The following TSGA10 variants were observed in gnomAD, a reference collection of about 807,000 sequenced individuals.
TSGA10 encodes the protein testis-specific gene 10 protein.
In TSGA10, 43 loss-of-function variants were observed where a neutral mutation model predicts 96.6. That is an observed-to-expected ratio of 0.44 (90% CI 0.35 to 0.57). The LOEUF (loss-of-function observed/expected upper bound fraction) is 0.57. Ranked by LOEUF, TSGA10 falls within the 20% of genes least tolerant of loss-of-function variation. The pLI is 0.01. For synonymous variants in TSGA10, 229 were observed against 269.9 expected (o/e 0.85, Z 1.48); for missense variants, 703 against 834.4 (o/e 0.84, Z 1.94).
At position 99,089,297 on chromosome 2, in the gene TSGA10, G is replaced by T. The variant is rs556514936; in HGVS notation, c.612-7900C>A. On this transcript the variant is annotated intron_variant, in intron 10 of 20. Transcript: ENST00000393483. ...CCATCTCTGACATTGTCTCACAGGG[G>T]TCCTTGGGGAGGGCTGCCAGAGGAA... Among the ~76,000 whole-genome samples the T allele has an allele frequency of 1.1e-4, 16 of 152,324 alleles. No homozygotes were observed. The South Asian group carries it at 3.3e-3, about 32-fold the overall frequency.
At chr2:99,039,488 T>G (rs1384439605) in intron 16 of TSGA10, among the ~76,000 whole-genome samples, 1 of 151,944 alleles carries the variant, frequency 6.6e-6, no homozygotes, top group African/African-American at 2.4e-5. Context: ...AAAAGATCAT[T>G]CAAGGCTACT....
chr2:99,146,100 T>C (rs907681523), intron 1 of TSGA10, among the ~76,000 whole-genome samples: 3 of 152,160 alleles, frequency 2.0e-5, no homozygotes, highest in Non-Finnish European at 4.4e-5. Context: ...CTGGCCAACA[T>C]GGCGAAACAT....
chr2:99,065,277 G>A (rs1464284615), intron 15 of TSGA10, among the ~76,000 whole-genome samples, 153 bp from the exon 16 acceptor site: 1 of 152,184 alleles, frequency 6.6e-6, no homozygotes. Context: ...TTAGAAAACA[G>A]GTCATCCTGT....
intron 17 of TSGA10, among the ~76,000 whole-genome samples, chr2:99,027,872 A>T (rs1273979557): frequency 2.0e-5 from 3 of 152,188 alleles, no homozygotes; most frequent in Non-Finnish European, 4.4e-5. Context: ...TGAAAACCAG[A>T]AATTTTAAAT....
At chr2:99,023,777 C>T (rs1275800521) in intron 17 of TSGA10, among the ~76,000 whole-genome samples, 1 of 152,198 alleles carries the variant, frequency 6.6e-6, no homozygotes, top group African/African-American at 2.4e-5. Flanking sequence ...GCTAGTACCA[C>T]ATTGTCTTGA....
At chr2:99,068,757 A>G in intron 15 of TSGA10, 131 bp downstream of exon 15, 1 of 413,838 alleles carries the variant, frequency 2.4e-6, no homozygotes, top group Admixed American at 4.4e-5. Flanking sequence ...TTAACCCACC[A>G]TTGTCAAAAC....
At position 99,147,388 on chromosome 2, in the gene TSGA10, C is replaced by A. The variant is rs374179222; in HGVS notation, c.-621+7305G>T. The A allele has an allele frequency of 2.5e-5, 32 of 1,302,034 alleles. No individual in the cohort carries two copies. In the African/African-American group the frequency reaches 4.2e-4, roughly 17 times the overall value. 80.7% of individuals were successfully genotyped at this position (1,302,034 alleles called of 1,614,324 possible). The stretch of plus-strand genomic sequence containing the variant: ...ATCTCTTTATGTACCTTTATTCTTA[C>A]ATATATATTCCAGATTTCTTCTTGA... On this transcript the variant is annotated intron_variant, in intron 1 of 20. Coordinates refer to ENST00000393483, the MANE Select transcript of TSGA10 (RefSeq NM_025244.4).
intron 16 of TSGA10, among the ~76,000 whole-genome samples, chr2:99,046,122 T>C (rs2082750321): frequency 6.6e-6 from 1 of 152,094 alleles, no homozygotes; most frequent in African/African-American, 2.4e-5. Context: ...ATAATAATAA[T>C]GGGAGACTTT....
intron 12 of TSGA10, 94 bp downstream of exon 12, chr2:99,078,565 A>G (rs947420646): frequency 7.9e-7 from 1 of 1,269,254 alleles, no homozygotes; most frequent in African/African-American, 1.5e-5. Context: ...GAAAATTCAA[A>G]TATTTTATTC....
At chr2:99,113,131 CAA>C (rs1470416241) in intron 4 of TSGA10, among the ~76,000 whole-genome samples, 3 of 151,998 alleles carry the variant, frequency 2.0e-5, no homozygotes, top group Admixed American at 1.3e-4. Context: ...ATAAACAACT[CAA>C]GATGAGAGAA....
chr2:99,131,552 C>A (rs533780908), intron 1 of TSGA10, among the ~76,000 whole-genome samples: 1 of 152,296 alleles, frequency 6.6e-6, no homozygotes, highest in African/African-American at 2.4e-5. Context: ...AATATACAAT[C>A]ATGTCATCTG....
chr2:99,010,034 T>C (rs754961029), intron 20 of TSGA10, among the ~76,000 whole-genome samples: 5 of 152,248 alleles, frequency 3.3e-5, no homozygotes, highest in Admixed American at 1.3e-4. Context: ...AAAGTTTTTA[T>C]GAAATTTGTG....
At chr2:99,137,935 T>C (rs748965992) in intron 1 of TSGA10, among the ~76,000 whole-genome samples, 12 of 148,524 alleles carry the variant, frequency 8.1e-5, no homozygotes, top group Admixed American at 2.0e-4. Context: ...CTGTATATAA[T>C]AGGCCCCAGA....
chr2:99,128,558 T>C (rs1004521241), intron 1 of TSGA10, among the ~76,000 whole-genome samples: 4 of 152,218 alleles, frequency 2.6e-5, no homozygotes, highest in African/African-American at 9.7e-5. Context: ...GACATTTCTA[T>C]AAAGCTGCTT....
intron 12 of TSGA10, among the ~76,000 whole-genome samples, chr2:99,076,733 C>G (rs1407680981): frequency 6.6e-6 from 1 of 152,180 alleles, no homozygotes; most frequent in Admixed American, 6.5e-5. Flanking sequence ...CAGGAAGTCT[C>G]ATGAAATTCT....
At chr2:99,079,209 T>G (rs1460065097) in intron 11 of TSGA10, among the ~76,000 whole-genome samples, 1 of 152,202 alleles carries the variant, frequency 6.6e-6, no homozygotes, top group Non-Finnish European at 1.5e-5. Flanking sequence ...CACTGTTGTA[T>G]ATAAAGTTGG....
At chr2:99,104,587 G>A (rs1232393938) in intron 9 of TSGA10, among the ~76,000 whole-genome samples, 1 of 151,708 alleles carries the variant, frequency 6.6e-6, no homozygotes, top group African/African-American at 2.4e-5. Context: ...CAATTCTCCT[G>A]TCTCAGCCTC....
intron 15 of TSGA10, among the ~76,000 whole-genome samples, chr2:99,067,958 T>A (rs1318364770): frequency 6.6e-6 from 1 of 152,130 alleles, no homozygotes; most frequent in East Asian, 1.9e-4. Flanking sequence ...CTTACTTGGG[T>A]GTTCTTCCCG....
chr2:99,139,470 G>T (rs996273810), intron 1 of TSGA10, among the ~76,000 whole-genome samples: 2 of 152,050 alleles, frequency 1.3e-5, no homozygotes, highest in Admixed American at 1.3e-4. Context: ...CTGAAATCTG[G>T]TTCCACAAAA....
Sources: gnomAD v4.1 joint callset for allele counts (sites outside exome capture counted in the v4.1 genomes callset) on GRCh38, gnomAD v4.1.1 for gene constraint, MANE v1.5 for transcripts, NCBI Gene and HGNC (gene_info 2026-07-23, HGNC 2026-07-21) for gene names.